Variants in BAHCC1 observed in about 807,000 individuals in gnomAD.
BAHCC1 encodes BAH domain and coiled-coil containing 1.
Under a neutral mutation model 88.2 loss-of-function variants are expected in BAHCC1, and 43 were observed. The ratio of observed to expected loss-of-function variants is 0.49; its 90% CI spans 0.38 to 0.63. The LOEUF (loss-of-function observed/expected upper bound fraction) is 0.63, where lower values mean the gene tolerates loss of function less well. BAHCC1 is among the 20% of genes least tolerant of loss of function. The pLI is 0.00. For synonymous variants in BAHCC1, 1,510 were observed against 745.5 expected (o/e 2.03, Z -16.71); for missense variants, 3,023 against 1,654.8 (o/e 1.83, Z -14.34).
chr17:81,451,654 C>T lies in BAHCC1; in HGVS notation c.3977-14C>T, dbSNP rs1555655762. 2.6e-6 allele frequency: 2 copies of T among 771,918 alleles called. No individual in the cohort carries two copies. The highest frequency in any genetic ancestry group is 4.9e-5 in the East Asian group (2 of 41,178). The allele number at this position is 771,918 out of a possible 1,614,324, so 47.8% of individuals were successfully genotyped here. On this transcript the variant is annotated splice_polypyrimidine_tract_variant and intron_variant, in intron 11 of 27. Transcript: ENST00000675386. ...GCCCAGTTATGCCCATGCTGACCTT[C>T]CCATGCCGCACAGAGGAGGAAGAGG...
intron 11 of BAHCC1, among the ~76,000 whole-genome samples, chr17:81,450,009 G>A (rs1555655421): frequency 6.6e-6 from 1 of 152,156 alleles, no homozygotes; most frequent in African/African-American, 2.4e-5. Flanking sequence ...TCCCATCGTG[G>A]ATGGGGTTCT....
intron 7 of BAHCC1, 35 bp from the exon 8 acceptor site, chr17:81,444,633 T>C: frequency 1.3e-6 from 1 of 763,208 alleles, no homozygotes; most frequent in South Asian, 1.4e-5. Flanking sequence ...TCCCCGAGAG[T>C]GCGAGGCCTG....
At chr17:81,448,270 C>T (rs932091976) in intron 11 of BAHCC1, among the ~76,000 whole-genome samples, 4 of 152,180 alleles carry the variant, frequency 2.6e-5, no homozygotes, top group Non-Finnish European at 5.9e-5. Flanking sequence ...CAGGAACCGT[C>T]GGCTCCCCGC....
At chr17:81,412,280 G>A (rs975256679) in intron 2 of BAHCC1, among the ~76,000 whole-genome samples, 2 of 152,218 alleles carry the variant, frequency 1.3e-5, no homozygotes, top group Non-Finnish European at 2.9e-5. Context: ...ATCCCTTTGG[G>A]TGTCCTAAAA....
In BAHCC1 at chr17:81,462,908, G is replaced by C; in HGVS notation, c.7552G>C (p.Val2518Leu). 1 of 786,296 alleles carries C rather than the reference G, an allele frequency of 1.3e-6. No homozygotes were observed. The highest frequency in any genetic ancestry group is 2.4e-6 in the Non-Finnish European group (1 of 423,196). 48.7% of individuals were successfully genotyped at this position (786,296 alleles called of 1,614,324 possible). A position where few individuals can be genotyped will look rare whatever the true frequency, so the allele number is the denominator to read the frequency against. Residue 2518 changes from valine (V) to leucine (L), a missense_variant, in exon 27 of 28, where the codon GTG (valine) becomes CTG (leucine). Val to Leu is a conservative substitution (Grantham distance 32). Coordinates refer to ENST00000675386, the MANE Select transcript of BAHCC1 (RefSeq NM_001377448.1). ...SMWESWGSNM[V>L]VKVKWFYHPE... ...GTGGGAGTCGTGGGGCAGCAACATG[G>C]TGGTCAAGGTCAAGTGGTTCTACCA...
intron 3 of BAHCC1, among the ~76,000 whole-genome samples, chr17:81,432,715 T>TC (rs1598477867): frequency 4.6e-5 from 1 of 21,756 alleles, no homozygotes; most frequent in African/African-American, 2.5e-4. Flanking sequence ...AGGCCCACCC[T>TC]CCCCGCCATC....
chr17:81,459,525 G>A lies in BAHCC1; in HGVS notation c.5826G>A (p.Arg1942=), dbSNP rs2030056504. The A allele has an allele frequency of 1.3e-6, 1 of 779,620 alleles. No individual in the cohort carries two copies. Among genetic ancestry groups the A allele is most frequent in the African/African-American group, 1.7e-5 (1 of 59,260 alleles). 48.3% of individuals were successfully genotyped at this position (779,620 alleles called of 1,614,324 possible). Residue 1942 remains arginine (R), a synonymous_variant, in exon 23 of 28, where the codon CGG becomes CGA. Coordinates refer to ENST00000675386, the MANE Select transcript of BAHCC1 (RefSeq NM_001377448.1). The part of the protein sequence containing the change: ...AVLDVRPQSS[R]YLPPGTRVCA... ...TCGATGTGCGGCCACAGTCCAGCCG[G>A]TACCTCCCGCCCGGCACGCGGGTCT...
At position 81,462,031 on chromosome 17, in the gene BAHCC1, G is replaced by A. The variant is rs782320828; in HGVS notation, c.7368G>A (p.Ser2456=). Residue 2456 remains serine (S), a synonymous_variant, in exon 26 of 28, where the codon TCG becomes TCA. Coordinates refer to ENST00000675386, the MANE Select transcript of BAHCC1 (RefSeq NM_001377448.1). ...CCGCCCGGCAGCTCTGGAAGTGGTC[G>A]GGGAATCCCACACAGGTAGGTCCAG... The part of the protein sequence containing the change: ...FLPARQLWKW[S]GNPTQRRGMK... The A allele has an allele frequency of 4.5e-5, 35 of 776,514 alleles. No individual in the cohort carries two copies. Among genetic ancestry groups the A allele is most frequent in the Admixed American group, 1.4e-4 (8 of 58,728 alleles). 48.1% of individuals were successfully genotyped at this position (776,514 alleles called of 1,614,324 possible). A position where few individuals can be genotyped will look rare whatever the true frequency, so the allele number is the denominator to read the frequency against.
At chr17:81,419,073 G>C (rs1181432925) in intron 2 of BAHCC1, among the ~76,000 whole-genome samples, 1 of 152,146 alleles carries the variant, frequency 6.6e-6, no homozygotes, top group African/African-American at 2.4e-5. Context: ...TCACTGGGTT[G>C]TATCTGGGGG....
chr17:81,440,336 C>T (rs1272426503), intron 4 of BAHCC1, among the ~76,000 whole-genome samples: 1 of 152,216 alleles, frequency 6.6e-6, no homozygotes, highest in Non-Finnish European at 1.5e-5. Flanking sequence ...TCGGCTTTCA[C>T]AATATTTTGG....
Position 81,399,814 on chromosome 17 carries a change from T to C in BAHCC1, c.75T>C (p.Ala25=). ...ERGSLGHRSA[A]AAARLAPAGP... ...GGAGCCTGGGCCACCGCAGCGCCGC[T>C]GCCGCCGCGCGTCTCGCCCCGGCTG... The change falls in exon 2 of 28, where the codon GCT becomes GCC. Residue 25 remains alanine (A), a synonymous_variant. Coordinates refer to ENST00000675386, the MANE Select transcript of BAHCC1 (RefSeq NM_001377448.1). This position sits in a 1 kb window ranked among gnomAD's most constrained non-coding sequence, Gnocchi z 4.5. 1 of 1,318,912 alleles carries C rather than the reference T, an allele frequency of 7.6e-7. No homozygotes were observed. The highest frequency in any genetic ancestry group is 9.7e-7 in the Non-Finnish European group (1 of 1,036,186). The allele number at this position is 1,318,912 out of a possible 1,614,324, so 81.7% of individuals were successfully genotyped here.
At chr17:81,405,127 T>TTGGCTCAC (rs1321308375) in intron 2 of BAHCC1, among the ~76,000 whole-genome samples, 1 of 152,236 alleles carries the variant, frequency 6.6e-6, no homozygotes, top group African/African-American at 2.4e-5. Context: ...TGGCACAATC[T>TTGGCTCAC]TGGCTCACTG....
chr17:81,441,578 C>T (rs1393769197), intron 4 of BAHCC1, among the ~76,000 whole-genome samples: 4 of 145,860 alleles, frequency 2.7e-5, no homozygotes, highest in Admixed American at 7.2e-5. Flanking sequence ...AGGAGAATGG[C>T]GTGAACCCGG....
At chr17:81,397,886 A>G (rs1555645178) in intron 1 of BAHCC1, among the ~76,000 whole-genome samples, 2 of 152,248 alleles carry the variant, frequency 1.3e-5, no homozygotes, top group African/African-American at 2.4e-5. Flanking sequence ...CTCTCCGAAT[A>G]AATATTAAAA....
intron 2 of BAHCC1, among the ~76,000 whole-genome samples, chr17:81,406,747 T>TAGGTGC (rs2063884940): frequency 2.6e-5 from 4 of 152,036 alleles, no homozygotes; most frequent in Admixed American, 2.0e-4. Context: ...GCGCTAGGTG[T>TAGGTGC]GCGCTGAGGG....
rs781889193 is a variant in BAHCC1 at position 81,447,544 on chromosome 17, G to C, written c.3672G>C (p.Glu1224Asp). 8 of 756,706 alleles carry C rather than the reference G, an allele frequency of 1.1e-5. No homozygotes were observed. The highest frequency in any genetic ancestry group is 1.8e-5 in the Admixed American group (1 of 55,148). 46.9% of individuals were successfully genotyped at this position (756,706 alleles called of 1,614,324 possible). A position where few individuals can be genotyped will look rare whatever the true frequency, so the allele number is the denominator to read the frequency against. Residue 1224 changes from glutamate to aspartate, a missense_variant, in exon 11 of 28, where the codon GAG becomes GAC. Glu to Asp is a conservative substitution (Grantham distance 45). Transcript: ENST00000675386. ...AGGGGGAGCAGCCGGCCCCTGAGGAGGACGAGCTGGAGGAAGACGAGCTGG... is the reference window on the plus strand; with the variant it reads ...AGGGGGAGCAGCCGGCCCCTGAGGACGACGAGCTGGAGGAAGACGAGCTGG... ...EDEGEQPAPE[E>D]DELEEDELGQ...
chr17:81,462,662 C>A, intron 26 of BAHCC1, 78 bp from the exon 27 acceptor site: 1 of 689,830 alleles, frequency 1.4e-6, no homozygotes, highest in East Asian at 2.5e-5. Context: ...CCACACCACA[C>A]CCTCCATGCC....
At position 81,428,831 on chromosome 17, in the gene BAHCC1, C is replaced by G; in HGVS notation, c.358+1852C>G. ...CACTTCTCAGCCCCTCACATGGGGC[C>G]CGGCATCGGTGGGTTCCATCTGCTC... On this transcript the variant is annotated intron_variant, in intron 3 of 27. Transcript: ENST00000675386. Among the ~76,000 whole-genome samples, 3 of 152,372 alleles carry G rather than the reference C, an allele frequency of 2.0e-5. No homozygotes were observed. The East Asian group carries it at 5.8e-4, about 29-fold the overall frequency.
At chr17:81,459,455 A>T (rs4969273) in intron 22 of BAHCC1, 41 bp from the exon 23 acceptor site, 1 of 775,334 alleles carries the variant, frequency 1.3e-6, no homozygotes, top group African/African-American at 1.7e-5. Context: ...GCCCTGGGCC[A>T]GGCCCCACCT....
Sources: gnomAD v4.1 joint callset for allele counts (sites outside exome capture counted in the v4.1 genomes callset) on GRCh38, gnomAD v4.1.1 for gene constraint, Gnocchi (gnomAD v3.1) non-coding constraint, MANE v1.5 for transcripts, NCBI Gene and HGNC (gene_info 2026-07-23, HGNC 2026-07-21) for gene names.